Variants in RSBN1L observed in about 807,000 individuals in gnomAD.
The protein encoded by RSBN1L is round spermatid basic protein 1 like.
RSBN1L carries 30 observed loss-of-function variants against 67.7 expected under a neutral mutation model. The ratio of observed to expected loss-of-function variants is 0.44; its 90% CI spans 0.33 to 0.60. The LOEUF is 0.60. Ranked by LOEUF, RSBN1L falls within the 20% of genes least tolerant of loss-of-function variation. The probability of loss-of-function intolerance (pLI) is 0.02; values close to 1 mark genes in which losing one functional copy is unlikely to be tolerated. For missense variants in RSBN1L, 992 were observed against 1,031.7 expected (o/e 0.96, Z 0.53); for synonymous variants, 433 against 387.0 (o/e 1.12, Z -1.39).
At chr7:77,708,506 G>A (rs577564786) in intron 1 of RSBN1L, among the ~76,000 whole-genome samples, 10 of 151,604 alleles carry the variant, frequency 6.6e-5, no homozygotes, top group South Asian at 4.2e-4. Flanking sequence ...CTCAGCCTCC[G>A]GAGTAGCTGG....
chr7:77,750,161 TAAG>T, intron 3 of RSBN1L, 97 bp downstream of exon 3: 2 of 678,246 alleles, frequency 2.9e-6, no homozygotes, highest in South Asian at 6.0e-5. Context: ...AATAAAAAGG[TAAG>T]AATATAATGA....
Position 77,749,997 on chromosome 7 carries a change from C to T in RSBN1L, c.1277C>T (p.Pro426Leu), listed in dbSNP as rs1183869035. 6.2e-7 allele frequency: 1 copy of T among 1,613,212 alleles called. No homozygotes were observed. The part of the protein sequence containing the change: ...DYFSFNFPNS[P>L]VKMEILGKKD... ...TTTTCATTTAATTTTCCCAATTCAC[C>T]AGTGAAAATGGAGATATTGGGAAAG... Residue 426 changes from proline to leucine, a missense_variant, in exon 3 of 8, where the codon CCA becomes CTA. This residue lies in a region of RSBN1L where 63 missense variants were observed against 84.8 expected (regional missense o/e 0.74). Transcript: ENST00000334955.
chr7:77,775,783 C>T (rs767688374), intron 6 of RSBN1L, among the ~76,000 whole-genome samples: 2 of 152,088 alleles, frequency 1.3e-5, no homozygotes, highest in Non-Finnish European at 2.9e-5. Context: ...TGGCTAGGCG[C>T]GGTGGCTCAC....
chr7:77,758,570 G>A (rs949178930), intron 3 of RSBN1L, among the ~76,000 whole-genome samples: 59 of 152,110 alleles, frequency 3.9e-4, no homozygotes, highest in African/African-American at 1.3e-3. Flanking sequence ...CAGTGAAATC[G>A]TAGGCTTTAT....
chr7:77,707,481 G>A (rs1440226538), intron 1 of RSBN1L, among the ~76,000 whole-genome samples: 1 of 152,020 alleles, frequency 6.6e-6, no homozygotes, highest in African/African-American at 2.4e-5. Context: ...GCATATTTAA[G>A]TAGCTACTTT....
At chr7:77,708,505 C>T (rs1398049279) in intron 1 of RSBN1L, among the ~76,000 whole-genome samples, 5 of 151,956 alleles carry the variant, frequency 3.3e-5, no homozygotes, top group Non-Finnish European at 5.9e-5. Context: ...CCTCAGCCTC[C>T]GGAGTAGCTG....
At chr7:77,732,768 T>C (rs770448786) in intron 1 of RSBN1L, among the ~76,000 whole-genome samples, 5 of 152,214 alleles carry the variant, frequency 3.3e-5, no homozygotes, top group African/African-American at 9.6e-5. Context: ...TAAATAGATA[T>C]TATTCTACAT....
chr7:77,743,059 AT>A (rs35673255), intron 2 of RSBN1L, among the ~76,000 whole-genome samples: 2 of 149,972 alleles, frequency 1.3e-5, no homozygotes. Context: ...TTCCATGGGA[AT>A]TTTTTTTTTT....
intron 2 of RSBN1L, among the ~76,000 whole-genome samples, chr7:77,741,279 A>C (rs1791406876): frequency 1.3e-5 from 2 of 151,874 alleles, no homozygotes; most frequent in South Asian, 4.2e-4. Context: ...GAGCCACTGC[A>C]CCTGGCCACC....
intron 6 of RSBN1L, among the ~76,000 whole-genome samples, chr7:77,774,863 A>T (rs759534483): frequency 8.1e-4 from 122 of 151,046 alleles, no homozygotes; most frequent in Non-Finnish European, 1.2e-3. Context: ...GCCATTAAAA[A>T]TTTTTTTTTT....
At position 77,778,805 on chromosome 7, in the gene RSBN1L, G is replaced by A. The variant is rs769962797; in HGVS notation, c.2178G>A (p.Met726Ile). The change falls in exon 8 of 8, where the codon ATG (methionine) becomes ATA (isoleucine). Residue 726 changes from methionine to isoleucine, a missense_variant. This residue lies in a region of RSBN1L where 199 missense variants were observed against 167.7 expected (regional missense o/e 1.19). Transcript: ENST00000334955. The part of the protein sequence containing the change: ...SSVLGPHTDN[M>I]ICAVSKASLD... ...TTCTTGGACCTCACACTGACAACATGATTTGTGCTGTAAGCAAAGCCTCCT... is the reference window on the plus strand; with the variant it reads ...TTCTTGGACCTCACACTGACAACATAATTTGTGCTGTAAGCAAAGCCTCCT... The A allele has an allele frequency of 6.8e-6, 11 of 1,614,008 alleles. No individual in the cohort carries two copies. The highest frequency in any genetic ancestry group is 1.1e-5 in the South Asian group (1 of 91,076).
At chr7:77,704,758 A>G (rs1306527293) in intron 1 of RSBN1L, among the ~76,000 whole-genome samples, 1 of 152,064 alleles carries the variant, frequency 6.6e-6, no homozygotes, top group African/African-American at 2.4e-5. Flanking sequence ...TGGGTGGATC[A>G]CCTGGGGTCA....
At chr7:77,744,548 C>T (rs1791456886) in intron 2 of RSBN1L, among the ~76,000 whole-genome samples, 1 of 151,868 alleles carries the variant, frequency 6.6e-6, no homozygotes, top group African/African-American at 2.4e-5. Context: ...GCAATTTCGG[C>T]TGGGATTACA....
At chr7:77,731,108 G>A (rs1003366066) in intron 1 of RSBN1L, among the ~76,000 whole-genome samples, 2 of 152,114 alleles carry the variant, frequency 1.3e-5, no homozygotes, top group Non-Finnish European at 2.9e-5. Context: ...GTTTTTATTT[G>A]TGTTTCCTTG....
chr7:77,716,955 T>C (rs1449046939), intron 1 of RSBN1L, among the ~76,000 whole-genome samples: 1 of 147,148 alleles, frequency 6.8e-6, no homozygotes, highest in African/African-American at 2.5e-5. Context: ...TATCTATTCT[T>C]ACATTCTTTT....
intron 1 of RSBN1L, among the ~76,000 whole-genome samples, chr7:77,729,988 TATCTTA>T (rs1156972952): frequency 6.6e-6 from 1 of 152,222 alleles, no homozygotes; most frequent in Non-Finnish European, 1.5e-5. Context: ...TTCTTTTTTA[TATCTTA>T]ATCTTTATGT....
At chr7:77,729,469 A>G (rs533590143) in intron 1 of RSBN1L, among the ~76,000 whole-genome samples, 1 of 152,348 alleles carries the variant, frequency 6.6e-6, no homozygotes, top group South Asian at 2.1e-4. Flanking sequence ...GGTAGTTACA[A>G]TAAGAATCAA....
intron 4 of RSBN1L, among the ~76,000 whole-genome samples, chr7:77,767,716 CTCTCG>C (rs1434167961): frequency 1.1e-4 from 15 of 132,116 alleles, no homozygotes; most frequent in African/African-American, 3.3e-4. Flanking sequence ...TCACCTCTGT[CTCTCG>C]CCTCGCCTCC....
intron 2 of RSBN1L, among the ~76,000 whole-genome samples, chr7:77,740,848 A>G (rs899113421): frequency 1.0e-4 from 15 of 149,826 alleles, no homozygotes; most frequent in Non-Finnish European, 1.9e-4. Flanking sequence ...TGATTCCCTC[A>G]CTCCCAGTCT....
Sources: gnomAD v4.1 joint callset for allele counts (sites outside exome capture counted in the v4.1 genomes callset) on GRCh38, gnomAD v4.1.1 for gene constraint, gnomAD v4.1.1 regional missense constraint, MANE v1.5 for transcripts, NCBI Gene and HGNC (gene_info 2026-07-23, HGNC 2026-07-21) for gene names.